The following ME3 variants were observed in gnomAD, a reference collection of about 807,000 sequenced individuals.
ME3 encodes malic enzyme 3, also known as NADP-dependent malic enzyme, mitochondrial.
A neutral mutation model predicts 68.9 loss-of-function variants in ME3; 48 were observed. That is an observed-to-expected ratio of 0.70 (90% CI 0.55 to 0.89). The LOEUF is 0.89. Among genes scored for constraint, ME3 ranks in the 40% least tolerant of loss-of-function variants. ME3 has a pLI of 0.00. For synonymous variants in ME3, 320 were observed against 318.8 expected (o/e 1.00, Z -0.04); for missense variants, 675 against 797.4 (o/e 0.85, Z 1.85).
chr11:86,549,706 T>G (rs1956568955), intron 4 of ME3, among the ~76,000 whole-genome samples: 1 of 151,872 alleles, frequency 6.6e-6, no homozygotes, highest in Admixed American at 6.6e-5. Context: ...CATGAGGGAG[T>G]CAAGAGGATG....
chr11:86,497,951 GCAGTGGGT>G lies in ME3; in HGVS notation c.705+4_705+11del. The G allele has an allele frequency of 1.3e-6, 2 of 1,586,176 alleles. No individual in the cohort carries two copies. Among genetic ancestry groups the G allele is most frequent in the Non-Finnish European group, 1.7e-6 (2 of 1,164,142 alleles). On this transcript the variant is annotated splice_donor_5th_base_variant and intron_variant, in intron 6 of 14. Coordinates refer to ENST00000543262, the Ensembl canonical transcript of ME3. ...TTTGGCCCCAGAGCTCCTGCCCTGG[GCAGTGGGT>G]TACCTCATTGTTGGTGCCGACGTCC... is the stretch of plus-strand genomic sequence containing the variant.
At chr11:86,472,897 G>T (rs117432855) in intron 7 of ME3, among the ~76,000 whole-genome samples, 13 of 152,358 alleles carry the variant, frequency 8.5e-5, no homozygotes, top group Non-Finnish European at 1.6e-4. Context: ...GATGGGGAAA[G>T]AAAGGCAAAC....
chr11:86,449,718 G>A (rs1447776619), intron 10 of ME3, among the ~76,000 whole-genome samples, 171 bp downstream of exon 10: 1 of 152,258 alleles, frequency 6.6e-6, no homozygotes, highest in African/African-American at 2.4e-5. Flanking sequence ...CTTTTGGACA[G>A]AAGCAATTAA....
rs376430033 is a variant in ME3, at chr11:86,574,920, T to C, written c.184-15097A>G. 1.9e-4 allele frequency among the ~76,000 whole-genome samples: 23 copies of C among 118,080 alleles called. 2 individuals carry two copies. The highest frequency in any genetic ancestry group is 6.7e-4 in the African/African-American group (17 of 25,280). 77.5% of individuals were successfully genotyped at this position (118,080 alleles called of 152,430 possible). A position where few individuals can be genotyped will look rare whatever the true frequency, so the allele number is the denominator to read the frequency against. On this transcript the variant is annotated intron_variant, in intron 2 of 14. Coordinates refer to ENST00000543262, the Ensembl canonical transcript of ME3. ...CTTTAAAAAGCCTTCCATGTGAAGG[T>C]ATCTGCAAATTCCAAGGATGTTCAC...
intron 2 of ME3, among the ~76,000 whole-genome samples, chr11:86,626,693 G>A (rs1479464539): frequency 6.6e-6 from 1 of 152,174 alleles, no homozygotes; most frequent in Non-Finnish European, 1.5e-5. Context: ...TAAAAACTTT[G>A]TTGCATTTTC....
chr11:86,556,758 CT>C (rs1956952009), intron 3 of ME3, 56 bp from the exon 4 acceptor site: 1 of 1,575,806 alleles, frequency 6.3e-7, no homozygotes, highest in Admixed American at 1.7e-5. Context: ...GCCCTGATGC[CT>C]CTGTGGTGTG....
chr11:86,537,882 C>T (rs1239175049), intron 4 of ME3, among the ~76,000 whole-genome samples: 1 of 152,220 alleles, frequency 6.6e-6, no homozygotes, highest in Admixed American at 6.5e-5. Flanking sequence ...AAGGGGGCAT[C>T]TTGGGAGCAG....
At chr11:86,654,535 A>G (rs900163734) in intron 2 of ME3, among the ~76,000 whole-genome samples, 3 of 152,264 alleles carry the variant, frequency 2.0e-5, no homozygotes, top group African/African-American at 7.2e-5. Flanking sequence ...GGCCTTTGAC[A>G]AAATTCAACA....
At chr11:86,438,887 G>A (rs1456121743), downstream of ME3, among the ~76,000 whole-genome samples, 1 of 151,928 alleles carries the variant, frequency 6.6e-6, no homozygotes, top group Non-Finnish European at 1.5e-5. Flanking sequence ...AACTGGCTTG[G>A]CTCACATGAT....
intron 2 of ME3, among the ~76,000 whole-genome samples, chr11:86,617,725 A>G (rs1943069857): frequency 6.6e-6 from 1 of 152,248 alleles, no homozygotes; most frequent in South Asian, 2.1e-4. Flanking sequence ...AAATAATTTA[A>G]CCACAAGCTA....
chr11:86,526,190 A>G (rs112667206), intron 4 of ME3, among the ~76,000 whole-genome samples: 25,518 of 152,244 alleles, frequency 0.17, 2,341 homozygotes, highest in African/African-American at 0.24. Flanking sequence ...CTGTTCCAAC[A>G]GTCTTAGCAA....
chr11:86,480,695 C>G (rs2138872439), intron 7 of ME3, among the ~76,000 whole-genome samples: 1 of 152,304 alleles, frequency 6.6e-6, no homozygotes, highest in African/African-American at 2.4e-5. Flanking sequence ...TGAGTGCTTT[C>G]CCCACATGTA....
At chr11:86,465,732 T>A (rs1950443957) in intron 7 of ME3, among the ~76,000 whole-genome samples, 1 of 152,170 alleles carries the variant, frequency 6.6e-6, no homozygotes, top group African/African-American at 2.4e-5. Context: ...TCTGGTAAGA[T>A]GAAAGGATGG....
intron 4 of ME3, among the ~76,000 whole-genome samples, chr11:86,516,605 G>C (rs143288512): frequency 0.017 from 2,616 of 152,204 alleles, 37 homozygotes; most frequent in Non-Finnish European, 0.03. Flanking sequence ...TGGCCAGGCT[G>C]GTCTTGAACT....
rs188110516 is a variant in ME3 at position 86,648,678 on chromosome 11, A to T, written c.183+23084T>A. 2.6e-5 allele frequency among the ~76,000 whole-genome samples: 4 copies of T among 152,318 alleles called. No homozygotes were observed. In the East Asian group the frequency reaches 5.8e-4, roughly 22 times the overall value. On this transcript the variant is annotated intron_variant, in intron 2 of 14. Transcript: ENST00000543262. The stretch of plus-strand genomic sequence containing the variant: ...CACCACTGATCCCAAAGAAATACAA[A>T]CTACCATCAGAGAATACTATAAACA...
intron 2 of ME3, among the ~76,000 whole-genome samples, chr11:86,641,085 G>A (rs1479018199): frequency 6.6e-6 from 1 of 151,096 alleles, no homozygotes; most frequent in Non-Finnish European, 1.5e-5. Flanking sequence ...TCAAAAAAAT[G>A]AATGCATAAT....
chr11:86,543,615 TA>T (rs1267804452), intron 4 of ME3, among the ~76,000 whole-genome samples: 1 of 152,176 alleles, frequency 6.6e-6, no homozygotes, highest in East Asian at 1.9e-4. Flanking sequence ...CTATCCTAAA[TA>T]TATATGCACC....
intron 7 of ME3, among the ~76,000 whole-genome samples, chr11:86,479,081 C>G (rs1167347138): frequency 6.6e-6 from 1 of 152,184 alleles, no homozygotes; most frequent in Non-Finnish European, 1.5e-5. Flanking sequence ...AAGATTCACC[C>G]TCACCCCATA....
intron 2 of ME3, among the ~76,000 whole-genome samples, chr11:86,657,539 C>A (rs528618410): frequency 6.6e-6 from 1 of 152,196 alleles, no homozygotes; most frequent in East Asian, 1.9e-4. Context: ...TTGATGGGTG[C>A]AGGAAACCAC....
Sources: gnomAD v4.1 joint callset for allele counts (sites outside exome capture counted in the v4.1 genomes callset) on GRCh38, gnomAD v4.1.1 for gene constraint, MANE v1.5 for transcripts, NCBI Gene and HGNC (gene_info 2026-07-23, HGNC 2026-07-21) for gene names.